The following SLC12A7 variants were observed in gnomAD, a reference collection of about 807,000 sequenced individuals.
The protein encoded by SLC12A7 is K-Cl cotransporter 4.
In SLC12A7, 100 loss-of-function variants were observed where a neutral mutation model predicts 120.6. The observed-to-expected ratio is 0.83, with a 90% CI of 0.71 to 0.98. SLC12A7 has a LOEUF of 0.98. SLC12A7 is among the 50% of genes least tolerant of loss of function. The probability of loss-of-function intolerance (pLI) is 0.00; values close to 1 mark genes in which losing one functional copy is unlikely to be tolerated. For synonymous variants in SLC12A7, 760 were observed against 678.0 expected (o/e 1.12, Z -1.88); for missense variants, 1,373 against 1,548.1 (o/e 0.89, Z 1.90).
At chr5:1,112,757 G>C (rs13181874), upstream of SLC12A7, among the ~76,000 whole-genome samples, 63,369 of 144,034 alleles carry the variant, frequency 0.44, 16,603 homozygotes, top group Non-Finnish European at 0.6. Context: ...CTCCTGGCTA[G>C]CCCAACCTGG....
intron 17 of SLC12A7, among the ~76,000 whole-genome samples, 157 bp from the exon 18 acceptor site, chr5:1,065,635 C>T (rs531113789): frequency 4.6e-5 from 7 of 152,230 alleles, no homozygotes; most frequent in South Asian, 2.1e-4. Flanking sequence ...TGCTCCCGGC[C>T]GCTGTGTGTG....
the SLC12A7 span, among the ~76,000 whole-genome samples, chr5:1,133,521 G>A: frequency 7.1e-3 from 1,079 of 152,290 alleles, 16 homozygotes; most frequent in Middle Eastern, 0.034. Context: ...CAAGAGATGC[G>A]AGGGGGACCC....
chr5:1,096,707 A>G (rs1350848292), intron 1 of SLC12A7, among the ~76,000 whole-genome samples: 1 of 50,062 alleles, frequency 2.0e-5, no homozygotes, highest in Non-Finnish European at 3.8e-5. Flanking sequence ...GAGGGAAGGA[A>G]GGAGGGAGGA....
chr5:1,134,575 G>T, the SLC12A7 span, among the ~76,000 whole-genome samples: 1 of 152,166 alleles, frequency 6.6e-6, no homozygotes, highest in Non-Finnish European at 1.5e-5. Context: ...CTACCGGTGG[G>T]AGTGTAAATT....
intron 5 of SLC12A7, among the ~76,000 whole-genome samples, 186 bp from the exon 6 acceptor site, chr5:1,087,219 C>T (rs761570671): frequency 2.1e-4 from 32 of 152,238 alleles, no homozygotes; most frequent in Middle Eastern, 6.8e-3. Flanking sequence ...TCCCGAGGCT[C>T]GGCACACGTT....
At chr5:1,149,546 C>T in the SLC12A7 span, among the ~76,000 whole-genome samples, 25,712 of 151,872 alleles carry the variant, frequency 0.17, 2,382 homozygotes, top group East Asian at 0.27. Flanking sequence ...CACTGCACTG[C>T]GGCCTGGGCA....
the SLC12A7 span, among the ~76,000 whole-genome samples, chr5:1,136,206 T>C: frequency 2.0e-5 from 3 of 152,058 alleles, no homozygotes; most frequent in African/African-American, 7.3e-5. Context: ...CAAGGAACCA[T>C]CCGTGCAATA....
chr5:1,057,389 G>T, intron 22 of SLC12A7, 82 bp downstream of exon 22: 1 of 1,417,642 alleles, frequency 7.1e-7, no homozygotes, highest in Non-Finnish European at 9.5e-7. Context: ...CTCTTCAGTG[G>T]TCAGGGAAGG....
chr5:1,063,791 C>T (rs1736595468), intron 20 of SLC12A7, 53 bp downstream of exon 20: 2 of 329,092 alleles, frequency 6.1e-6, no homozygotes, highest in East Asian at 1.2e-4. Context: ...GGCCGCCCCC[C>T]ACCTCCTCCC....
intron 17 of SLC12A7, among the ~76,000 whole-genome samples, chr5:1,069,222 C>T (rs752642300): frequency 2.6e-5 from 4 of 152,210 alleles, no homozygotes; most frequent in African/African-American, 4.8e-5. Context: ...GCCAACGTGG[C>T]GGGAGCGGCG....
chr5:1,065,314 C>T lies in SLC12A7; in HGVS notation c.2406G>A (p.Glu802=), dbSNP rs779696731. ...LMAWPASWKQ[E]DNPFSWKNFV... The stretch of plus-strand genomic sequence containing the variant: ...AGTTCTTCCAGGAGAAGGGGTTGTC[C>T]TCCTGCTTCCAGGATGCGGGCCAGG... Residue 802 remains glutamate, a synonymous_variant, in exon 18 of 24, where the codon GAG becomes GAA. Transcript: ENST00000264930. 5 of 1,583,196 alleles carry T rather than the reference C, an allele frequency of 3.2e-6. No individual in the cohort carries two copies. The highest frequency in any genetic ancestry group is 4.3e-6 in the Non-Finnish European group (5 of 1,163,176).
intron 11 of SLC12A7, 146 bp from the exon 12 acceptor site, chr5:1,078,153 C>G: frequency 1.0e-6 from 1 of 987,602 alleles, no homozygotes; most frequent in Non-Finnish European, 1.4e-6. Flanking sequence ...TCCCCGTTGG[C>G]TGAAACCTCC....
intron 1 of SLC12A7, among the ~76,000 whole-genome samples, chr5:1,097,216 C>T (rs57354118): frequency 0.032 from 4,893 of 152,252 alleles, 155 homozygotes; most frequent in East Asian, 0.11. Flanking sequence ...TGAACTCCTA[C>T]GAACTGTACA....
chr5:1,089,992 G>A (rs1157919145), intron 3 of SLC12A7, among the ~76,000 whole-genome samples: 2 of 152,270 alleles, frequency 1.3e-5, no homozygotes, highest in Non-Finnish European at 2.9e-5. Flanking sequence ...ACAGGAAAAC[G>A]TCTCAAGGTC....
At chr5:1,138,952 G>A in the SLC12A7 span, among the ~76,000 whole-genome samples, 1 of 152,196 alleles carries the variant, frequency 6.6e-6, no homozygotes. Context: ...TCGACTCCAG[G>A]GCACTGGCCA....
chr5:1,154,976 T>G, the SLC12A7 span, among the ~76,000 whole-genome samples: 4 of 152,170 alleles, frequency 2.6e-5, no homozygotes, highest in African/African-American at 7.2e-5. Context: ...CCAGGCCTGG[T>G]GGCCTCTGTG....
At chr5:1,150,004 T>G in the SLC12A7 span, among the ~76,000 whole-genome samples, 1 of 152,230 alleles carries the variant, frequency 6.6e-6, no homozygotes, top group Non-Finnish European at 1.5e-5. Context: ...CACTCCAGCC[T>G]GGGCAACGAG....
rs542427399 is a variant in SLC12A7 at position 1,083,730 on chromosome 5, C to A, written c.1129+15G>T. On this transcript the variant is annotated intron_variant, in intron 8 of 23. Coordinates refer to ENST00000264930, the MANE Select transcript of SLC12A7 (RefSeq NM_006598.3). ...CGCCACCCCCCAGCTCCAGCTGCAGCCCTGTGAGCCTCACCCAGGAAGACA... is the reference window on the plus strand; with the variant it reads ...CGCCACCCCCCAGCTCCAGCTGCAGACCTGTGAGCCTCACCCAGGAAGACA... 1.9e-6 allele frequency: 3 copies of A among 1,610,354 alleles called. No homozygotes were observed. Among genetic ancestry groups the A allele is most frequent in the Middle Eastern group, 1.7e-4 (1 of 5,910 alleles).
the SLC12A7 span, among the ~76,000 whole-genome samples, chr5:1,129,715 G>A: frequency 7.2e-5 from 11 of 151,812 alleles, no homozygotes; most frequent in South Asian, 1.7e-3. Flanking sequence ...AAAGTCACAG[G>A]GGTCACCCTG....
Sources: allele counts gnomAD v4.1 joint callset (sites outside exome capture counted in the v4.1 genomes callset), GRCh38; gene constraint gnomAD v4.1.1; transcripts MANE v1.5; gene names NCBI Gene and HGNC (gene_info 2026-07-23, HGNC 2026-07-21).